The following TNR variants were observed in gnomAD, a reference collection of about 807,000 sequenced individuals.
TNR encodes tenascin-R.
TNR carries 45 observed loss-of-function variants against 150.4 expected under a neutral mutation model. The ratio of observed to expected loss-of-function variants is 0.30; its 90% CI spans 0.24 to 0.38. The LOEUF (loss-of-function observed/expected upper bound fraction) is 0.38. TNR is among the 10% of genes least tolerant of loss of function. TNR has a pLI of 1.00. For synonymous variants in TNR, 687 were observed against 678.4 expected, an observed-to-expected ratio of 1.01 and a Z score of -0.20; for missense variants, 1,544 against 1,759.1, an observed-to-expected ratio of 0.88 and a Z score of 2.19.
In TNR at chr1:175,700,062, G is replaced by A. The variant is rs76796200; in HGVS notation, c.-165+43164C>T. Among the ~76,000 whole-genome samples the A allele has an allele frequency of 1.1e-3, 160 of 151,692 alleles. 1 individual carries two copies. Among genetic ancestry groups the A allele is most frequent in the Admixed American group, 2.9e-3 (44 of 15,206 alleles). On this transcript the variant is annotated intron_variant, in intron 1 of 22. Coordinates refer to ENST00000367674, the MANE Select transcript of TNR (RefSeq NM_003285.3). ...AGTGGGTAAGGCTGGGACAGCTGCC[G>A]GACCACCATGACCCCAAGCGAAGGA...
chr1:175,574,060 A>T, intron 1 of TNR, among the ~76,000 whole-genome samples: 1 of 152,130 alleles, frequency 6.6e-6, no homozygotes, highest in Non-Finnish European at 1.5e-5. Flanking sequence ...GAAGAGGAAG[A>T]TGAGAGGTGG....
In TNR at chr1:175,393,856, G is replaced by A; in HGVS notation, c.1280C>T (p.Thr427Ile). Residue 427 changes from threonine to isoleucine, a missense_variant, in exon 6 of 23, where the codon ACA (threonine) becomes ATA (isoleucine). Around this residue, in one of 2 missense-constraint regions of TNR, gnomAD observed 1,254 missense variants for 1,329.4 expected, o/e 0.94. Transcript: ENST00000367674. ...TPQGLQFKTI[T>I]ETTVEVQWEP... ...CCACTGCACCTCCACGGTGGTCTCT[G>A]TGATCGTCTTAAATTGTAGCCCTTG... The A allele has an allele frequency of 6.2e-7, 1 of 1,614,248 alleles. No individual in the cohort carries two copies. Among genetic ancestry groups the A allele is most frequent in the Non-Finnish European group, 8.5e-7 (1 of 1,180,034 alleles).
chr1:175,353,851 A>ATT (rs55981326), intron 18 of TNR, among the ~76,000 whole-genome samples: 2,961 of 146,152 alleles, frequency 0.02, 49 homozygotes, highest in Middle Eastern at 0.087. Context: ...ATTTTTATTT[A>ATT]TTTTTTTTTT....
chr1:175,332,367 A>G (rs1649986340), intron 20 of TNR, among the ~76,000 whole-genome samples: 1 of 152,114 alleles, frequency 6.6e-6, no homozygotes, highest in African/African-American at 2.4e-5. Flanking sequence ...TCTCTGCCCT[A>G]TTTTTGTTCC....
At chr1:175,330,913 TC>T (rs1426524902) in intron 20 of TNR, among the ~76,000 whole-genome samples, 1 of 152,180 alleles carries the variant, frequency 6.6e-6, no homozygotes, top group Non-Finnish European at 1.5e-5. Flanking sequence ...CCTCTAAACT[TC>T]CCAGGCCTTG....
At chr1:175,331,083 T>TTCTTTCTTTCTTTCCTTC (rs1649838853) in intron 20 of TNR, among the ~76,000 whole-genome samples, 1 of 87,040 alleles carries the variant, frequency 1.1e-5, no homozygotes, top group Non-Finnish European at 2.6e-5. Context: ...CTTTCCTTCT[T>TTCTTTCTTTCTTTCCTTC]TCTTTCTTTC....
intron 1 of TNR, among the ~76,000 whole-genome samples, chr1:175,705,672 G>A (rs1666828778): frequency 6.6e-6 from 1 of 152,052 alleles, no homozygotes; most frequent in Non-Finnish European, 1.5e-5. Flanking sequence ...ATTATAAAAT[G>A]TCCATACCAG....
chr1:175,491,914 G>A (rs1658277372), intron 2 of TNR, among the ~76,000 whole-genome samples: 1 of 152,106 alleles, frequency 6.6e-6, no homozygotes, highest in Non-Finnish European at 1.5e-5. Context: ...CTCCCAAAGT[G>A]CTGGGATTAC....
intron 10 of TNR, 95 bp downstream of exon 10, chr1:175,367,113 T>C: frequency 9.2e-7 from 1 of 1,092,106 alleles, no homozygotes; most frequent in Non-Finnish European, 1.4e-6. Context: ...CTGGAAGACA[T>C]TGCTTTCTGA....
intron 1 of TNR, among the ~76,000 whole-genome samples, chr1:175,620,643 G>A (rs923190610): frequency 2.6e-5 from 4 of 152,174 alleles, no homozygotes; most frequent in East Asian, 1.9e-4. Context: ...GAGCAGTGGC[G>A]AGTAGGTGGT....
intron 2 of TNR, among the ~76,000 whole-genome samples, chr1:175,477,030 G>A (rs927432078): frequency 2.0e-5 from 3 of 152,090 alleles, no homozygotes; most frequent in Non-Finnish European, 4.4e-5. Flanking sequence ...CCAAAAGAAT[G>A]GCTCTTAAAT....
At chr1:175,601,050 T>C (rs2101846848) in intron 1 of TNR, among the ~76,000 whole-genome samples, 1 of 152,390 alleles carries the variant, frequency 6.6e-6, no homozygotes, top group South Asian at 2.1e-4. Flanking sequence ...AATGATATTG[T>C]AGTTTCAACA....
At chr1:175,650,857 CTCCCACCTCATT>C (rs1452631505) in intron 1 of TNR, among the ~76,000 whole-genome samples, 2 of 69,234 alleles carry the variant, frequency 2.9e-5, no homozygotes, top group African/African-American at 6.6e-5. Flanking sequence ...TACTACCCAT[CTCCCACCTCATT>C]CCTCCTCCTC....
At chr1:175,726,165 C>T (rs59159969) in intron 1 of TNR, among the ~76,000 whole-genome samples, 1,578 of 152,090 alleles carry the variant, frequency 0.01, 23 homozygotes, top group African/African-American at 0.036. Flanking sequence ...TGCTAAAGTA[C>T]CAGTCCTCAA....
chr1:175,576,984 A>G (rs548458473), intron 1 of TNR, among the ~76,000 whole-genome samples: 1 of 152,354 alleles, frequency 6.6e-6, no homozygotes, highest in Non-Finnish European at 1.5e-5. Context: ...CCTGGTAATT[A>G]GCCAAAGAAG....
intron 1 of TNR, among the ~76,000 whole-genome samples, chr1:175,541,291 T>A (rs1417690147): frequency 6.6e-6 from 1 of 152,200 alleles, no homozygotes; most frequent in Non-Finnish European, 1.5e-5. Context: ...AGAGGGTCAA[T>A]AAGTATTAAA....
intron 1 of TNR, among the ~76,000 whole-genome samples, chr1:175,734,762 C>G (rs1329274796): frequency 6.6e-6 from 1 of 152,196 alleles, no homozygotes; most frequent in Non-Finnish European, 1.5e-5. Context: ...AAGGGGAGTG[C>G]ATCATTGCTG....
At chr1:175,324,655 G>T in intron 21 of TNR, 136 bp from the exon 22 acceptor site, 1 of 1,048,962 alleles carries the variant, frequency 9.5e-7, no homozygotes, top group Non-Finnish European at 1.4e-6. Flanking sequence ...TTCTCAGAGT[G>T]GCTGTGCTGA....
chr1:175,556,990 A>C lies in TNR; in HGVS notation c.-164-28621T>G, dbSNP rs975734836. 4.6e-5 allele frequency among the ~76,000 whole-genome samples: 7 copies of C among 152,300 alleles called. No individual in the cohort carries two copies. The East Asian group carries it at 9.6e-4, about 21-fold the overall frequency. The stretch of plus-strand genomic sequence containing the variant: ...ACTCCCTCCCTTGATGGTTTTGATG[A>C]AGCAAGAAGGCACATTGGAAAGGTC... On this transcript the variant is annotated intron_variant, in intron 1 of 22. Coordinates refer to ENST00000367674, the MANE Select transcript of TNR (RefSeq NM_003285.3).
Sources: allele counts gnomAD v4.1 joint callset (sites outside exome capture counted in the v4.1 genomes callset), GRCh38; gene constraint gnomAD v4.1.1; regional missense constraint gnomAD v4.1.1; transcripts MANE v1.5; gene names NCBI Gene and HGNC (gene_info 2026-07-23, HGNC 2026-07-21).